Variants in MAPK10 observed in about 807,000 individuals in gnomAD.
The protein encoded by MAPK10 is mitogen-activated protein kinase 10.
Under a neutral mutation model 59.3 loss-of-function variants are expected in MAPK10, and 25 were observed. That is an observed-to-expected ratio of 0.42 (90% CI 0.31 to 0.59). The LOEUF (loss-of-function observed/expected upper bound fraction) is 0.59. Among genes scored for constraint, MAPK10 ranks in the 20% least tolerant of loss-of-function variants. The pLI, the probability that MAPK10 is intolerant of heterozygous loss-of-function variation, is 0.15. For synonymous variants in MAPK10, 190 were observed against 200.5 expected (o/e 0.95, Z 0.44); for missense variants, 351 against 568.9 (o/e 0.62, Z 3.90).
chr4:86,164,301 C>T (rs371730395), intron 3 of MAPK10: 12 of 152,104 alleles, frequency 7.9e-5, no homozygotes, highest in Middle Eastern at 3.4e-3. Context: ...GTTTTAAAAA[C>T]AAATGTCAAA....
intron 1 of MAPK10, among the ~76,000 whole-genome samples, chr4:86,436,980 A>G (rs1748810331): frequency 6.6e-6 from 1 of 152,144 alleles, no homozygotes; most frequent in Non-Finnish European, 1.5e-5. Context: ...TGGGAGGCCA[A>G]GGTGGGCAGA....
At chr4:86,363,080 G>T (rs56255533), upstream of MAPK10, among the ~76,000 whole-genome samples, 42,312 of 152,006 alleles carry the variant, frequency 0.28, 6,652 homozygotes, top group Non-Finnish European at 0.35. Flanking sequence ...ATGATATACA[G>T]TCAGCCCTCC....
chr4:86,297,580 G>A (rs13120126), intron 2 of MAPK10, among the ~76,000 whole-genome samples: 92,533 of 152,008 alleles, frequency 0.61, 28,777 homozygotes, highest in South Asian at 0.74. Flanking sequence ...CAAAGTGCTG[G>A]GACTACAGGC....
At chr4:86,483,522 G>A (rs532951420) in intron 1 of MAPK10, among the ~76,000 whole-genome samples, 1 of 151,864 alleles carries the variant, frequency 6.6e-6, no homozygotes, top group African/African-American at 2.4e-5. Flanking sequence ...CAGAAAGACC[G>A]CTAAGCCGCA....
intron 2 of MAPK10, among the ~76,000 whole-genome samples, chr4:86,247,682 A>C (rs2093186445): frequency 6.6e-6 from 1 of 152,138 alleles, no homozygotes; most frequent in African/African-American, 2.4e-5. Context: ...AGGTGATCTG[A>C]CAATACAGAA....
intron 1 of MAPK10, among the ~76,000 whole-genome samples, chr4:86,524,864 G>T (rs983475787): frequency 2.0e-5 from 3 of 149,058 alleles, no homozygotes; most frequent in Non-Finnish European, 3.0e-5. Flanking sequence ...AAAAAAGCCC[G>T]CAATGACTTT....
chr4:86,294,735 G>C (rs2095313457), intron 2 of MAPK10, among the ~76,000 whole-genome samples: 1 of 152,124 alleles, frequency 6.6e-6, no homozygotes, highest in South Asian at 2.1e-4. Flanking sequence ...GGTGAGGAGA[G>C]GAGAGACCAG....
At chr4:86,461,298 G>C (rs1751717636) in intron 1 of MAPK10, among the ~76,000 whole-genome samples, 1 of 152,208 alleles carries the variant, frequency 6.6e-6, no homozygotes, top group South Asian at 2.1e-4. Flanking sequence ...CATCAATCCA[G>C]AAAGGCGGGA....
chr4:86,272,359 C>T (rs951771234), intron 2 of MAPK10, among the ~76,000 whole-genome samples: 7 of 151,884 alleles, frequency 4.6e-5, no homozygotes, highest in Non-Finnish European at 1.0e-4. Flanking sequence ...ATATTTTTCT[C>T]CTTTATAATT....
At chr4:86,075,768 C>A (rs372321485) in intron 9 of MAPK10, among the ~76,000 whole-genome samples, 1 of 152,100 alleles carries the variant, frequency 6.6e-6, no homozygotes, top group African/African-American at 2.4e-5. Context: ...TCTCCAGCTG[C>A]GTGCTGGGAG....
chr4:86,152,272 A>G (rs1030415816), intron 4 of MAPK10: 1 of 152,232 alleles, frequency 6.6e-6, no homozygotes, highest in Admixed American at 6.5e-5. Flanking sequence ...ATGATAAAAA[A>G]TAAAGAAGAA....
intron 1 of MAPK10, among the ~76,000 whole-genome samples, chr4:86,516,638 GTTGTTTGTTTGTTTT>G (rs916451915): frequency 2.0e-5 from 3 of 151,490 alleles, no homozygotes; most frequent in Admixed American, 6.6e-5. Context: ...TTTTGTTGTT[GTTGTTTGTTTGTTTT>G]TTGTTTGTTT....
At chr4:86,498,711 G>A (rs1373039787) in intron 1 of MAPK10, among the ~76,000 whole-genome samples, 1 of 152,202 alleles carries the variant, frequency 6.6e-6, no homozygotes, top group Non-Finnish European at 1.5e-5. Context: ...CCACAAATAT[G>A]TAGGGTACAC....
At chr4:86,431,845 T>C (rs928627759) in intron 1 of MAPK10, among the ~76,000 whole-genome samples, 8 of 152,146 alleles carry the variant, frequency 5.3e-5, no homozygotes, top group African/African-American at 7.2e-5. Flanking sequence ...TTTAAAAAAA[T>C]GGCAATATTA....
At chr4:86,502,475 C>A (rs929664343) in intron 1 of MAPK10, among the ~76,000 whole-genome samples, 2 of 151,988 alleles carry the variant, frequency 1.3e-5, no homozygotes, top group African/African-American at 4.8e-5. Context: ...AAGTACATTT[C>A]TCTTGACCAT....
In MAPK10 at chr4:86,505,423, C is replaced by A. The variant is rs1001743630; in HGVS notation, c.-263+88487G>T. 5.3e-5 allele frequency among the ~76,000 whole-genome samples: 8 copies of A among 152,062 alleles called. 1 individual carries two copies. Among genetic ancestry groups the A allele is most frequent in the Admixed American group, 5.2e-4 (8 of 15,270 alleles). On this transcript the variant is annotated intron_variant, in intron 1 of 4. Transcript: ENST00000502302. ...CCCAGGAGCTCAAGACCAACCTGGG[C>A]AACATAGAGAGACCTCATCTCTACT...
At chr4:86,112,083 G>A (rs1334068905) in intron 4 of MAPK10, among the ~76,000 whole-genome samples, 7 of 150,184 alleles carry the variant, frequency 4.7e-5, no homozygotes, top group Non-Finnish European at 1.0e-4. Context: ...TTTTTATTGT[G>A]TCTATTTGAT....
intron 4 of MAPK10, among the ~76,000 whole-genome samples, chr4:86,111,375 G>A (rs2057454409): frequency 1.3e-5 from 2 of 152,118 alleles, no homozygotes; most frequent in African/African-American, 4.8e-5. Context: ...GCTGTAAATG[G>A]CTGTTAATAT....
chr4:86,584,234 G>T (rs1391838484), intron 1 of MAPK10, among the ~76,000 whole-genome samples: 2 of 152,076 alleles, frequency 1.3e-5, no homozygotes, highest in African/African-American at 4.8e-5. Flanking sequence ...AGGCAGTTTG[G>T]GAATCACTGA....
Sources: allele counts gnomAD v4.1 joint callset (sites outside exome capture counted in the v4.1 genomes callset), GRCh38; gene constraint gnomAD v4.1.1; transcripts MANE v1.5; gene names NCBI Gene and HGNC (gene_info 2026-07-23, HGNC 2026-07-21).